LAMA1: variants seen among roughly 807,000 people sequenced by gnomAD.
LAMA1 encodes laminin subunit alpha-1.
Under a neutral mutation model 348.7 loss-of-function variants are expected in LAMA1, and 219 were observed. The observed-to-expected ratio is 0.63, with a 90% CI of 0.56 to 0.70. The LOEUF (loss-of-function observed/expected upper bound fraction) is 0.70, where lower values mean the gene tolerates loss of function less well. LAMA1 is among the 30% of genes least tolerant of loss of function. The pLI, the probability that LAMA1 is intolerant of heterozygous loss-of-function variation, is 0.00. For synonymous variants in LAMA1, 1,487 were observed against 1,491.0 expected (o/e 1.00, Z 0.06); for missense variants, 3,744 against 3,888.0 (o/e 0.96, Z 0.99).
chr18:6,983,835 A>G (rs1241600998), intron 39 of LAMA1, among the ~76,000 whole-genome samples: 2 of 152,220 alleles, frequency 1.3e-5, no homozygotes, highest in Non-Finnish European at 2.9e-5. Flanking sequence ...CTGTCTTGAA[A>G]ATAAAGTCTG....
At chr18:6,980,456 T>C (rs947386303) in intron 42 of LAMA1, 65 bp downstream of exon 42, 66 of 1,107,848 alleles carry the variant, frequency 6.0e-5, no homozygotes, top group Non-Finnish European at 3.8e-5. Flanking sequence ...GACTTCCTTA[T>C]GTTCCTGAGT....
intron 47 of LAMA1, among the ~76,000 whole-genome samples, chr18:6,972,486 C>A (rs113727615): frequency 5.9e-5 from 9 of 152,298 alleles, no homozygotes; most frequent in Non-Finnish European, 1.3e-4. Flanking sequence ...ACGTGGAGCA[C>A]TGAATTTCCT....
chr18:7,057,471 C>CT (rs552843703), intron 3 of LAMA1, among the ~76,000 whole-genome samples: 3,190 of 90,784 alleles, frequency 0.035, 120 homozygotes, highest in East Asian at 0.15. Context: ...CTTTTCTTTT[C>CT]TTTTTTTTTT....
In LAMA1 at chr18:6,999,422, A is replaced by G. The variant is rs190025334; in HGVS notation, c.4663+23T>C. 2.2e-5 allele frequency: 36 copies of G among 1,613,536 alleles called. No individual in the cohort carries two copies. In the Middle Eastern group the frequency reaches 8.3e-4, roughly 37 times the overall value. ...ATTTGGGAGGAAAAACCATCTTTAC[A>G]CATTTAGAGGAGAAATACTCACAAA... On this transcript the variant is annotated intron_variant, in intron 32 of 62. Transcript: ENST00000389658.
rs569100947 is a variant in LAMA1, at chr18:7,042,712, G to C, written c.1156-462C>G. On this transcript the variant is annotated intron_variant, in intron 8 of 62. Coordinates refer to ENST00000389658, the MANE Select transcript of LAMA1 (RefSeq NM_005559.4). ...ATCCTGGCCGACATGGTGAAACCCTGTCTCTACTAAAAATACAAAAATTAG... is the reference window on the plus strand; with the variant it reads ...ATCCTGGCCGACATGGTGAAACCCTCTCTCTACTAAAAATACAAAAATTAG... 5.2e-5 allele frequency: 11 copies of C among 210,512 alleles called. No homozygotes were observed. In the South Asian group the frequency reaches 9.0e-4, roughly 17 times the overall value. The allele number at this position is 210,512 out of a possible 1,614,324, so 13.0% of individuals were successfully genotyped here. A position where few individuals can be genotyped will look rare whatever the true frequency, so the allele number is the denominator to read the frequency against.
At chr18:6,954,940 AGAGG>A in intron 57 of LAMA1, 94 of 321,434 alleles carry the variant, frequency 2.9e-4, no homozygotes, top group South Asian at 6.4e-4. Context: ...GAAGGTGCAG[AGAGG>A]GGTGGGTGTG....
chr18:6,967,702 A>G (rs2057639807), intron 48 of LAMA1, among the ~76,000 whole-genome samples: 1 of 152,160 alleles, frequency 6.6e-6, no homozygotes, highest in Admixed American at 6.5e-5. Flanking sequence ...ACCTTGTTCA[A>G]GGACACACCC....
chr18:6,955,374 T>C lies in LAMA1; in HGVS notation c.8186A>G (p.Asn2729Ser), dbSNP rs760877544. 4 of 1,614,032 alleles carry C rather than the reference T, an allele frequency of 2.5e-6. No homozygotes were observed. In the South Asian group the frequency reaches 4.4e-5, roughly 18 times the overall value. Residue 2729 changes from asparagine (N) to serine (S), a missense_variant, in exon 57 of 63, where the codon AAT (asparagine) becomes AGT (serine). Physicochemically the swap from Asn to Ser is conservative, Grantham distance 46 (BLOSUM62 1). Around this residue, in one of 3 missense-constraint regions of LAMA1, gnomAD observed 1,983 missense variants for 1,934.3 expected, o/e 1.03. Coordinates refer to ENST00000389658, the MANE Select transcript of LAMA1 (RefSeq NM_005559.4). ...CTACTTCTTTCTGACAGCCGACTGA[T>C]TAAAAGGCAAGATGAAATGGCTGTT... ...TQNSHFILPF[N>S]QSAVRKKLSV...
chr18:7,040,163 A>T lies in LAMA1; in HGVS notation c.1335T>A (p.Tyr445Ter). The T allele has an allele frequency of 6.2e-7, 1 of 1,614,124 alleles. No individual in the cohort carries two copies. Among genetic ancestry groups the T allele is most frequent in the South Asian group, 1.1e-5 (1 of 91,076 alleles). ...AGGAGACACAGGTCGGGTAATCCTTATAGCCAAGTTGGCAGCGATCACATT... is the reference window on the plus strand; with the variant it reads ...AGGAGACACAGGTCGGGTAATCCTTTTAGCCAAGTTGGCAGCGATCACATT... ...GEKCDRCQLG[Y>*]KDYPTCVSCG... is the part of the protein sequence containing the mutation. Residue 445 changes from tyrosine (Y) to a stop codon, truncating the protein, a stop_gained, in exon 10 of 63, where the codon TAT becomes TAA. Coordinates refer to ENST00000389658, the MANE Select transcript of LAMA1 (RefSeq NM_005559.4). LOFTEE classifies it high-confidence loss of function.
At chr18:7,078,075 A>C (rs1313636212) in intron 3 of LAMA1, among the ~76,000 whole-genome samples, 12 of 150,800 alleles carry the variant, frequency 8.0e-5, no homozygotes, top group Non-Finnish European at 1.0e-4. Context: ...AAAAAAAAAA[A>C]AAAAACAAAA....
At position 7,025,498 on chromosome 18, in the gene LAMA1, A is replaced by G. The variant is rs543191827; in HGVS notation, c.2402+481T>C. Reference sequence around the variant, plus strand: ...CACGGCCAGGTGAGAACAGTTTGCTATTCAGAACACCTGCTGTAAAACTCA... The same window carrying G: ...CACGGCCAGGTGAGAACAGTTTGCTGTTCAGAACACCTGCTGTAAAACTCA... On this transcript the variant is annotated intron_variant, in intron 17 of 62. Coordinates refer to ENST00000389658, the MANE Select transcript of LAMA1 (RefSeq NM_005559.4). Among the ~76,000 whole-genome samples the G allele has an allele frequency of 7.2e-5, 11 of 152,314 alleles. No individual in the cohort carries two copies. The South Asian group carries it at 2.3e-3, about 32-fold the overall frequency.
intron 36 of LAMA1, among the ~76,000 whole-genome samples, chr18:6,992,146 A>G (rs1232968728): frequency 6.6e-6 from 1 of 152,230 alleles, no homozygotes; most frequent in African/African-American, 2.4e-5. Flanking sequence ...ACTTTTTTAT[A>G]TAACTAAGCT....
At chr18:7,113,340 C>G (rs1486718695) in intron 1 of LAMA1, among the ~76,000 whole-genome samples, 2 of 152,212 alleles carry the variant, frequency 1.3e-5, no homozygotes, top group African/African-American at 4.8e-5. Context: ...AGCTCTGAGA[C>G]AGCAGGCCAG....
At chr18:6,942,302 A>G in intron 62 of LAMA1, 63 bp from the exon 63 acceptor site, 1 of 1,548,984 alleles carries the variant, frequency 6.5e-7, no homozygotes, top group Non-Finnish European at 8.9e-7. Context: ...TCCATAGCAC[A>G]AAAGCAACAG....
rs79337142 is a variant in LAMA1 at position 6,961,236 on chromosome 18, G to A, written c.7626+350C>T. On this transcript the variant is annotated intron_variant, in intron 53 of 62. Coordinates refer to ENST00000389658, the MANE Select transcript of LAMA1 (RefSeq NM_005559.4). ...CATCCAGCAGTAGACTGAAGACCTC[G>A]ACAGGATTTAAGGACTGCTGTTGGC... Among the ~76,000 whole-genome samples, 501 of 152,212 alleles carry A rather than the reference G, an allele frequency of 3.3e-3. 1 individual carries two copies. The highest frequency in any genetic ancestry group is 0.011 in the African/African-American group (470 of 41,532).
chr18:6,992,215 C>T (rs1006435269), intron 36 of LAMA1, among the ~76,000 whole-genome samples: 5 of 152,274 alleles, frequency 3.3e-5, no homozygotes, highest in Admixed American at 6.5e-5. Context: ...TGGCCACCAA[C>T]GATTTTTTTC....
At chr18:7,005,254 T>C (rs906077158) in intron 29 of LAMA1, among the ~76,000 whole-genome samples, 1 of 152,174 alleles carries the variant, frequency 6.6e-6, no homozygotes, top group Non-Finnish European at 1.5e-5. Context: ...TCATGAATAA[T>C]CTGAACTCAT....
chr18:7,080,064 T>C lies in LAMA1; in HGVS notation c.256A>G (p.Ile86Val), dbSNP rs2058186730. Residue 86 changes from isoleucine to valine, a missense_variant, in exon 3 of 63, where the codon ATA (isoleucine) becomes GTA (valine). Physicochemically the swap from Ile to Val is conservative, Grantham distance 29. Transcript: ENST00000389658. ...TGCCACCAGTTATTGGTGCCATCTA[T>C]GGCATGTGATATTGGATGGCGTTCT... is the stretch of plus-strand genomic sequence containing the variant. ...PRERHPISHAIDGTNNWWQSP... is the reference protein window; with the variant it reads ...PRERHPISHAVDGTNNWWQSP... The C allele has an allele frequency of 1.2e-6, 2 of 1,613,652 alleles. No individual in the cohort carries two copies. Among genetic ancestry groups the C allele is most frequent in the Non-Finnish European group, 1.7e-6 (2 of 1,179,538 alleles).
chr18:6,963,949 C>T (rs1040078909), intron 51 of LAMA1: 3 of 152,452 alleles, frequency 2.0e-5, no homozygotes, highest in Non-Finnish European at 4.4e-5. Flanking sequence ...TTTCAACTTG[C>T]ACATACATTA....
Sources: allele counts gnomAD v4.1 joint callset (sites outside exome capture counted in the v4.1 genomes callset), GRCh38; gene constraint gnomAD v4.1.1; regional missense constraint gnomAD v4.1.1; transcripts MANE v1.5; gene names NCBI Gene and HGNC (gene_info 2026-07-23, HGNC 2026-07-21).